FGD4: variants seen among roughly 807,000 people sequenced by gnomAD.
The protein encoded by FGD4 is FYVE, RhoGEF and PH domain-containing protein 4.
Under a neutral mutation model 102.0 loss-of-function variants are expected in FGD4, and 42 were observed. The ratio of observed to expected loss-of-function variants is 0.41; its 90% CI spans 0.32 to 0.53. FGD4 has a LOEUF of 0.53. Among genes scored for constraint, FGD4 ranks in the 20% least tolerant of loss-of-function variants. The probability of loss-of-function intolerance (pLI) is 0.21; values close to 1 mark genes in which losing one functional copy is unlikely to be tolerated. For synonymous variants in FGD4, 380 were observed against 375.7 expected, an observed-to-expected ratio of 1.01 and a Z score of -0.13; for missense variants, 902 against 1,078.2, an observed-to-expected ratio of 0.84 and a Z score of 2.29.
chr12:32,614,965 T>TC (rs1949360601), intron 10 of FGD4, among the ~76,000 whole-genome samples: 1 of 152,238 alleles, frequency 6.6e-6, no homozygotes, highest in South Asian at 2.1e-4. Flanking sequence ...CTAGTTCTAC[T>TC]CCAAGTTTTT....
Position 32,427,073 on chromosome 12 carries a change from G to T in FGD4, c.166+27114G>T, listed in dbSNP as rs573469163. Among the ~76,000 whole-genome samples, 17 of 148,574 alleles carry T rather than the reference G, an allele frequency of 1.1e-4. 1 individual carries two copies. In the South Asian group the frequency reaches 3.7e-3, roughly 32 times the overall value. On this transcript the variant is annotated intron_variant, in intron 1 of 16. Transcript: ENST00000534526. Reference sequence around the variant, plus strand: ...TTGTTTCTCTGTCTCCTTCAGTTCTGCTCTGATCTTAGTTATTTCTTGTCT... The same window carrying T: ...TTGTTTCTCTGTCTCCTTCAGTTCTTCTCTGATCTTAGTTATTTCTTGTCT...
intron 11 of FGD4, among the ~76,000 whole-genome samples, chr12:32,620,520 CTTTTTTTTTTTTTTT>C (rs1233071153): frequency 1.1e-5 from 1 of 91,136 alleles, no homozygotes. Flanking sequence ...TTTTTTCTTT[CTTTTTTTTTTTTTTT>C]TTTTTTTTGA....
intron 12 of FGD4, chr12:32,624,730 T>TC (rs1480927219): frequency 3.1e-6 from 2 of 646,322 alleles, no homozygotes; most frequent in Non-Finnish European, 5.6e-6. Context: ...TGCCTCGGTC[T>TC]CCCAAAGTGC....
intron 1 of FGD4, among the ~76,000 whole-genome samples, chr12:32,494,287 C>G (rs992928451): frequency 2.0e-5 from 3 of 152,140 alleles, no homozygotes; most frequent in African/African-American, 7.2e-5. Flanking sequence ...TCTGGTCTTG[C>G]ATTTCTCCCT....
chr12:32,460,257 A>T (rs1943066560), intron 1 of FGD4, among the ~76,000 whole-genome samples: 1 of 152,198 alleles, frequency 6.6e-6, no homozygotes, highest in African/African-American at 2.4e-5. Context: ...CACGCCTGTA[A>T]TCCGAGGACT....
chr12:32,451,051 A>T (rs1269548849), intron 1 of FGD4, among the ~76,000 whole-genome samples: 1 of 152,226 alleles, frequency 6.6e-6, no homozygotes, highest in African/African-American at 2.4e-5. Context: ...AGTGTGACAC[A>T]TCTACAAGGA....
chr12:32,569,817 A>G (rs1945493736), intron 2 of FGD4, among the ~76,000 whole-genome samples: 3 of 152,242 alleles, frequency 2.0e-5, no homozygotes. Flanking sequence ...ATATAGAGGT[A>G]TAAGAATTGT....
chr12:32,562,150 G>A (rs1357969819), intron 1 of FGD4, among the ~76,000 whole-genome samples: 1 of 152,204 alleles, frequency 6.6e-6, no homozygotes, highest in African/African-American at 2.4e-5. Context: ...TAAAAAGGAA[G>A]GCTTTTAACG....
Position 32,399,624 on chromosome 12 carries a change from G to C in FGD4, c.-170G>C. 7.2e-7 allele frequency: 1 copy of C among 1,398,394 alleles called. No individual in the cohort carries two copies. Among genetic ancestry groups the C allele is most frequent in the South Asian group, 1.5e-5 (1 of 64,580 alleles). 86.6% of individuals were successfully genotyped at this position (1,398,394 alleles called of 1,614,324 possible). On this transcript the variant is annotated 5_prime_UTR_variant, in exon 1 of 17. Transcript: ENST00000534526. ...GCCAAACTCGCCGCGACGCCGGGAG[G>C]GAGCGTACCGGGAAGGAGAGGGAGA...
intron 7 of FGD4, among the ~76,000 whole-genome samples, chr12:32,603,218 A>G (rs1013313279): frequency 1.5e-4 from 23 of 152,246 alleles, no homozygotes; most frequent in African/African-American, 5.3e-4. Context: ...ATTGTATACT[A>G]TTATATTTGC....
At chr12:32,590,308 C>CT (rs1269604662) in intron 4 of FGD4, among the ~76,000 whole-genome samples, 1 of 99,850 alleles carries the variant, frequency 1.0e-5, no homozygotes, top group Non-Finnish European at 1.9e-5. Context: ...GAGACTTCAT[C>CT]TAAAAAAAAA....
intron 1 of FGD4, among the ~76,000 whole-genome samples, chr12:32,517,655 G>A (rs1160396140): frequency 6.6e-6 from 1 of 152,128 alleles, no homozygotes; most frequent in African/African-American, 2.4e-5. Context: ...AACTTTGAGA[G>A]GCCAAGGCAG....
intron 1 of FGD4, among the ~76,000 whole-genome samples, 142 bp from the exon 2 acceptor site, chr12:32,563,976 CAGAGGGAGACCGTGGAAAG>C (rs1220595379): frequency 2.8e-4 from 36 of 130,716 alleles, no homozygotes; most frequent in South Asian, 2.6e-3. Flanking sequence ...GGCTCGGCAT[CAGAGGGAGACCGTGGAAAG>C]AGAGGGAGAC....
intron 4 of FGD4, among the ~76,000 whole-genome samples, chr12:32,588,060 A>G (rs1009291547): frequency 6.6e-6 from 1 of 152,166 alleles, no homozygotes; most frequent in Non-Finnish European, 1.5e-5. Context: ...GAAAGAAGAG[A>G]GAACAGTGTT....
At chr12:32,609,047 A>G in intron 8 of FGD4, among the ~76,000 whole-genome samples, 1 of 152,130 alleles carries the variant, frequency 6.6e-6, no homozygotes, top group East Asian at 1.9e-4. Context: ...TGATTTTAGT[A>G]GAGACGGGTT....
chr12:32,477,062 C>T (rs907043380), intron 1 of FGD4, among the ~76,000 whole-genome samples: 5 of 152,138 alleles, frequency 3.3e-5, no homozygotes, highest in African/African-American at 7.2e-5. Context: ...CCAAGGCAGG[C>T]GGATCACCTG....
intron 1 of FGD4, among the ~76,000 whole-genome samples, chr12:32,461,822 G>A (rs973741611): frequency 6.6e-6 from 1 of 152,174 alleles, no homozygotes; most frequent in Non-Finnish European, 1.5e-5. Flanking sequence ...TGCCTCCTGG[G>A]TTCAAGCAAT....
chr12:32,620,671 C>T (rs1334991160), intron 11 of FGD4, among the ~76,000 whole-genome samples: 6 of 149,204 alleles, frequency 4.0e-5, no homozygotes, highest in Middle Eastern at 3.5e-3. Context: ...GGATTACAGG[C>T]GCCTGCCACC....
chr12:32,597,662 T>A (rs1948017009), intron 4 of FGD4, among the ~76,000 whole-genome samples: 1 of 152,172 alleles, frequency 6.6e-6, no homozygotes. Context: ...AATGTTTCTG[T>A]CATCATGAAA....
Sources: allele counts gnomAD v4.1 joint callset (sites outside exome capture counted in the v4.1 genomes callset), GRCh38; gene constraint gnomAD v4.1.1; transcripts MANE v1.5; gene names NCBI Gene and HGNC (gene_info 2026-07-23, HGNC 2026-07-21).